The following PISD variants were observed in gnomAD, a reference collection of about 807,000 sequenced individuals.
PISD encodes the protein phosphatidylserine decarboxylase proenzyme, mitochondrial.
PISD carries 31 observed loss-of-function variants against 43.5 expected under a neutral mutation model. That is an observed-to-expected ratio of 0.71 (90% CI 0.54 to 0.96). The LOEUF is 0.96. Ranked by LOEUF, PISD falls within the 40% of genes least tolerant of loss-of-function variation. The probability of loss-of-function intolerance (pLI) is 0.00; values close to 1 mark genes in which losing one functional copy is unlikely to be tolerated. For synonymous variants in PISD, 259 were observed against 228.7 expected, an observed-to-expected ratio of 1.13 and a Z score of -1.20; for missense variants, 523 against 548.4, an observed-to-expected ratio of 0.95 and a Z score of 0.46.
rs138552593 is a variant in PISD at position 31,620,555 on chromosome 22, G to A, written c.1003C>T (p.Arg335Trp). 147 of 1,614,092 alleles carry A rather than the reference G, an allele frequency of 9.1e-5. No individual in the cohort carries two copies. The highest frequency in any genetic ancestry group is 8.1e-4 in the African/African-American group (61 of 75,062). The change falls in exon 7 of 8, where the codon CGG becomes TGG. Residue 335 changes from arginine (R) to tryptophan (W), a missense_variant and splice_region_variant. Physicochemically the swap from Arg to Trp is moderately radical, Grantham distance 101 (BLOSUM62 -3). Coordinates refer to ENST00000439502, the MANE Select transcript of PISD (RefSeq NM_001326411.2). ...NVGSIRIYFD[R>W]DLHTNSPRHS... ...GGCAGGGCCTAGATCCTGCTTACCC[G>A]GTCAAAGTAGATGCGAATGGAGCCC...
chr22:31,638,883 A>G (rs1469191038), intron 3 of PISD, among the ~76,000 whole-genome samples: 1 of 144,680 alleles, frequency 6.9e-6, no homozygotes, highest in Admixed American at 7.1e-5. Flanking sequence ...GCAATGGCGC[A>G]GTTTCAGCTG....
At chr22:31,634,834 CAAAAAAAAAAAA>C (rs33999998) in intron 3 of PISD, among the ~76,000 whole-genome samples, 1 of 81,120 alleles carries the variant, frequency 1.2e-5, no homozygotes, top group Non-Finnish European at 2.2e-5. Flanking sequence ...GACTCCATCT[CAAAAAAAAAAAA>C]AAAAAAAAAT....
chr22:31,655,332 C>T (rs1292794437), intron 1 of PISD, among the ~76,000 whole-genome samples: 3 of 139,310 alleles, frequency 2.2e-5, no homozygotes, highest in Non-Finnish European at 4.5e-5. Context: ...TTTTTTTTCC[C>T]AGAGATGGGG....
chr22:31,639,683 T>C (rs923081525), intron 3 of PISD, among the ~76,000 whole-genome samples: 1 of 152,076 alleles, frequency 6.6e-6, no homozygotes, highest in African/African-American at 2.4e-5. Context: ...AGGCAGCATA[T>C]CTGAAATCAC....
chr22:31,661,285 T>C (rs745920006), intron 1 of PISD, among the ~76,000 whole-genome samples: 2 of 152,200 alleles, frequency 1.3e-5, no homozygotes, highest in African/African-American at 2.4e-5. Context: ...GGTTATCCTC[T>C]GATCAACGCT....
intron 3 of PISD, among the ~76,000 whole-genome samples, chr22:31,644,689 C>T (rs1378805365): frequency 2.0e-5 from 3 of 152,236 alleles, no homozygotes; most frequent in Non-Finnish European, 4.4e-5. Flanking sequence ...ACTCTCCCTT[C>T]TTAACCTGTT....
intron 2 of PISD, among the ~76,000 whole-genome samples, chr22:31,649,781 G>A (rs2073984940): frequency 1.3e-5 from 2 of 152,134 alleles, no homozygotes; most frequent in South Asian, 4.1e-4. Context: ...AGGTTGCCAA[G>A]GTGTGTCCAA....
Position 31,621,797 on chromosome 22 carries a change from C to T in PISD, c.410G>A (p.Arg137Lys), listed in dbSNP as rs749448875. ...NQVELPHWLR[R>K]PVYSLYIWTF... is the part of the protein sequence containing the mutation. ...CCAGATGTACAGGCTGTAGACGGGC[C>T]TGCGCAGCCAGTGTGGCAGCTCCAC... The change falls in exon 4 of 8, where the codon AGG becomes AAG. Residue 137 changes from arginine (R) to lysine (K), a missense_variant. Arg to Lys is a conservative substitution (Grantham distance 26, BLOSUM62 2). Coordinates refer to ENST00000439502, the MANE Select transcript of PISD (RefSeq NM_001326411.2). 2 of 1,613,768 alleles carry T rather than the reference C, an allele frequency of 1.2e-6. No individual in the cohort carries two copies. Among genetic ancestry groups the T allele is most frequent in the African/African-American group, 2.7e-5 (2 of 74,954 alleles).
At chr22:31,642,831 G>A (rs2073774834) in intron 3 of PISD, among the ~76,000 whole-genome samples, 1 of 150,514 alleles carries the variant, frequency 6.6e-6, no homozygotes, top group Admixed American at 6.6e-5. Flanking sequence ...AGCCGGGCGT[G>A]GTGGCTCACA....
intron 1 of PISD, among the ~76,000 whole-genome samples, chr22:31,659,523 A>T (rs890431840): frequency 4.6e-5 from 7 of 152,098 alleles, no homozygotes; most frequent in Admixed American, 3.3e-4. Flanking sequence ...CACCTGTAAA[A>T]ACTACAGTTG....
At chr22:31,636,137 A>G (rs1371420713) in intron 3 of PISD, among the ~76,000 whole-genome samples, 2 of 152,230 alleles carry the variant, frequency 1.3e-5, no homozygotes, top group Non-Finnish European at 2.9e-5. Flanking sequence ...GCACAGGCCC[A>G]TGGGGCTCCA....
chr22:31,644,857 G>C (rs2073838535), intron 3 of PISD, among the ~76,000 whole-genome samples: 1 of 152,170 alleles, frequency 6.6e-6, no homozygotes, highest in Non-Finnish European at 1.5e-5. Flanking sequence ...GGGCATGGTG[G>C]CTCACGCCTG....
intron 3 of PISD, chr22:31,623,661 C>T (rs1323481783): frequency 1.2e-6 from 2 of 1,602,982 alleles, no homozygotes; most frequent in Non-Finnish European, 1.7e-6. Context: ...AGGTCCGAGC[C>T]ACAGGGGCCT....
At chr22:31,635,634 G>A (rs112473938) in intron 3 of PISD, among the ~76,000 whole-genome samples, 2,535 of 152,266 alleles carry the variant, frequency 0.017, 23 homozygotes, top group Non-Finnish European at 0.026. Flanking sequence ...CCCTCCGCTT[G>A]TCCACACACT....
rs760280251 is a variant in PISD, at chr22:31,648,231, A to T, written c.191T>A (p.Leu64Gln). The change falls in exon 3 of 8, where the codon CTG becomes CAG. Residue 64 changes from leucine (L) to glutamine (Q), a missense_variant. By Grantham distance (113) the Leu-to-Gln change is moderately radical. Coordinates refer to ENST00000439502, the MANE Select transcript of PISD (RefSeq NM_001326411.2). The part of the protein sequence containing the change: ...HTAPARTMFL[L>Q]RPLPILLVTG... ...CACCAACAGAATGGGCAGGGGACGC[A>T]GCAGGAACATGGTTCGGGCAGGGGC... The T allele has an allele frequency of 6.8e-6, 11 of 1,612,054 alleles. No homozygotes were observed. The Admixed American group carries it at 1.8e-4, about 27-fold the overall frequency.
intron 3 of PISD, among the ~76,000 whole-genome samples, chr22:31,646,070 C>T (rs1166064337): frequency 1.3e-5 from 2 of 151,882 alleles, no homozygotes; most frequent in African/African-American, 4.8e-5. Context: ...GACCATTTCC[C>T]CCTCATAAAA....
Position 31,620,974 on chromosome 22 carries a change from C to T in PISD, c.844+22G>A, listed in dbSNP as rs775278401. On this transcript the variant is annotated intron_variant, in intron 6 of 7. Transcript: ENST00000439502. Reference sequence around the variant, plus strand: ...TATGAAGCCCACAGAGGCAGCTCCCCCCACGCTGGCCCCGGGCTGACCTGG... The same window carrying T: ...TATGAAGCCCACAGAGGCAGCTCCCTCCACGCTGGCCCCGGGCTGACCTGG... The T allele has an allele frequency of 6.3e-6, 10 of 1,598,282 alleles. No homozygotes were observed. In the South Asian group the frequency reaches 8.9e-5, roughly 14 times the overall value.
intron 1 of PISD, among the ~76,000 whole-genome samples, chr22:31,652,723 A>G (rs2074062535): frequency 6.7e-6 from 1 of 148,938 alleles, no homozygotes; most frequent in East Asian, 2.0e-4. Flanking sequence ...CAGGAGAATC[A>G]CAAAACAAAA....
At chr22:31,640,575 GTTTTT>G (rs759964791) in intron 3 of PISD, among the ~76,000 whole-genome samples, 2 of 91,254 alleles carry the variant, frequency 2.2e-5, no homozygotes, top group Non-Finnish European at 3.8e-5. Context: ...CGGTTTGGTT[GTTTTT>G]TTTTTTTTTT....
Sources: gnomAD v4.1 joint callset for allele counts (sites outside exome capture counted in the v4.1 genomes callset) on GRCh38, gnomAD v4.1.1 for gene constraint, MANE v1.5 for transcripts, NCBI Gene and HGNC (gene_info 2026-07-23, HGNC 2026-07-21) for gene names.